TRPM8: variants seen among roughly 807,000 people sequenced by gnomAD.
TRPM8 encodes the protein TRPM8 cationic channel.
In TRPM8, 110 loss-of-function variants were observed where a neutral mutation model predicts 133.7. That is an observed-to-expected ratio of 0.82 (90% CI 0.70 to 0.96). TRPM8 has a LOEUF of 0.96. Among genes scored for constraint, TRPM8 ranks in the 40% least tolerant of loss-of-function variants. TRPM8 has a pLI of 0.00. For missense variants in TRPM8, 1,291 were observed against 1,379.5 expected (o/e 0.94, Z 1.02); for synonymous variants, 535 against 532.3 (o/e 1.01, Z -0.07).
chr2:233,982,251 A>G (rs571911664), intron 19 of TRPM8, among the ~76,000 whole-genome samples: 59 of 152,356 alleles, frequency 3.9e-4, no homozygotes, highest in African/African-American at 1.4e-3. Flanking sequence ...ACCTGGGGAC[A>G]GTTGAGTCCA....
At chr2:233,966,335 A>T (rs1691574331) in intron 14 of TRPM8, among the ~76,000 whole-genome samples, 1 of 152,160 alleles carries the variant, frequency 6.6e-6, no homozygotes, top group African/African-American at 2.4e-5. Flanking sequence ...AAGCCCATCA[A>T]AGAGAGGGGC....
chr2:233,969,930 C>A, intron 16 of TRPM8, 123 bp downstream of exon 16: 1 of 781,738 alleles, frequency 1.3e-6, no homozygotes, highest in South Asian at 1.7e-5. Flanking sequence ...TACATTGTTG[C>A]CTATGAATTT....
chr2:233,954,684 G>A (rs1216143761), intron 10 of TRPM8, among the ~76,000 whole-genome samples: 2 of 152,050 alleles, frequency 1.3e-5, no homozygotes, highest in East Asian at 3.8e-4. Context: ...TGGTTATAAA[G>A]GTATTTATTA....
At position 234,017,509 on chromosome 2, in the gene TRPM8, T is replaced by A. The variant is rs1220447847; in HGVS notation, c.*253T>A. On this transcript the variant is annotated 3_prime_UTR_variant, in exon 26 of 26. Transcript: ENST00000324695. ...CTCCAGAATGGTGCCTGTTTCTCTC[T>A]GTGTCTCAATGCCTGGGACTGGAGG... 2.6e-6 allele frequency: 1 copy of A among 382,190 alleles called. No individual in the cohort carries two copies. Among genetic ancestry groups the A allele is most frequent in the Admixed American group, 3.3e-5 (1 of 30,642 alleles). 23.7% of individuals were successfully genotyped at this position (382,190 alleles called of 1,614,324 possible). A position where few individuals can be genotyped will look rare whatever the true frequency, so the allele number is the denominator to read the frequency against.
At chr2:233,979,372 C>G (rs538274285) in intron 17 of TRPM8, among the ~76,000 whole-genome samples, 1 of 152,222 alleles carries the variant, frequency 6.6e-6, no homozygotes, top group Non-Finnish European at 1.5e-5. Context: ...TTCTGTGTGC[C>G]GGGAGCCTGG....
intron 9 of TRPM8, among the ~76,000 whole-genome samples, chr2:233,951,282 C>T (rs1691167255): frequency 6.6e-6 from 1 of 152,134 alleles, no homozygotes; most frequent in Non-Finnish European, 1.5e-5. Context: ...AGGCCTTTTC[C>T]AACGTATACA....
chr2:233,964,873 G>C (rs1691528064), intron 14 of TRPM8, 116 bp downstream of exon 14: 2 of 1,123,338 alleles, frequency 1.8e-6, no homozygotes, highest in Middle Eastern at 2.5e-4. Flanking sequence ...AAGCTCCCCA[G>C]TCTGATTGAG....
At chr2:233,917,744 G>A (rs550245700) in intron 1 of TRPM8, among the ~76,000 whole-genome samples, 1 of 152,248 alleles carries the variant, frequency 6.6e-6, no homozygotes, top group South Asian at 2.1e-4. Flanking sequence ...CCCTAAATGA[G>A]CTTTAATGAA....
chr2:233,950,869 C>G (rs1691157234), intron 9 of TRPM8, among the ~76,000 whole-genome samples: 1 of 152,186 alleles, frequency 6.6e-6, no homozygotes, highest in South Asian at 2.1e-4. Context: ...TTTTGATTCT[C>G]TAAACATTCA....
intron 11 of TRPM8, among the ~76,000 whole-genome samples, chr2:233,955,825 C>T (rs1691280784): frequency 6.6e-6 from 1 of 152,174 alleles, no homozygotes; most frequent in Non-Finnish European, 1.5e-5. Flanking sequence ...AGTGAAACTT[C>T]ATCTGTATTT....
chr2:233,921,852 T>C (rs556202682), intron 1 of TRPM8, among the ~76,000 whole-genome samples: 27 of 152,112 alleles, frequency 1.8e-4, no homozygotes, highest in Middle Eastern at 3.4e-3. Context: ...TTTGTATTTT[T>C]AGTAGAGATG....
In TRPM8 at chr2:233,966,683, G is replaced by T; in HGVS notation, c.1953G>T (p.Trp651Cys). The T allele has an allele frequency of 6.2e-7, 1 of 1,613,882 alleles. No individual in the cohort carries two copies. The highest frequency in any genetic ancestry group is 8.5e-7 in the Non-Finnish European group (1 of 1,179,882). Residue 651 changes from tryptophan to cysteine, a missense_variant, in exon 15 of 26, where the codon TGG becomes TGT. This residue lies in a region of TRPM8 where 963 missense variants were observed against 968.9 expected (regional missense o/e 0.99). Coordinates refer to ENST00000324695, the MANE Select transcript of TRPM8 (RefSeq NM_024080.5). ...TGCTGGTCTATTCCTGTGAAGCTTG[G>T]GGTGGAAGCAACTGTCTGGAGCTGG... ...EQLLVYSCEAWGGSNCLELAV... is the reference protein window; with the variant it reads ...EQLLVYSCEACGGSNCLELAV...
intron 3 of TRPM8, among the ~76,000 whole-genome samples, chr2:233,934,470 A>C (rs1375918042): frequency 6.6e-6 from 1 of 152,228 alleles, no homozygotes; most frequent in Non-Finnish European, 1.5e-5. Flanking sequence ...CAGTTATATG[A>C]ACAGGCTCAT....
intron 1 of TRPM8, among the ~76,000 whole-genome samples, chr2:233,917,785 A>T (rs1691331554): frequency 6.6e-6 from 1 of 151,866 alleles, no homozygotes; most frequent in Admixed American, 6.6e-5. Context: ...TCTGCAACTG[A>T]CTATCTGAAG....
At chr2:233,959,372 G>A (rs1368006792) in intron 11 of TRPM8, among the ~76,000 whole-genome samples, 2 of 134,426 alleles carry the variant, frequency 1.5e-5, no homozygotes, top group Non-Finnish European at 3.0e-5. Context: ...TGTCACCCAA[G>A]CTGGAGTGCA....
chr2:233,990,381 A>G (rs545228926), intron 21 of TRPM8, among the ~76,000 whole-genome samples: 8 of 152,338 alleles, frequency 5.3e-5, no homozygotes, highest in African/African-American at 1.7e-4. Context: ...CGGGCCACTC[A>G]AAGGCAAGAC....
At chr2:233,958,976 T>C (rs1691362222) in intron 11 of TRPM8, among the ~76,000 whole-genome samples, 1 of 149,818 alleles carries the variant, frequency 6.7e-6, no homozygotes, top group Non-Finnish European at 1.5e-5. Flanking sequence ...TGGCTCCCAC[T>C]GATGGTTCCC....
intron 8 of TRPM8, among the ~76,000 whole-genome samples, chr2:233,948,973 G>A (rs1367893099): frequency 1.3e-5 from 2 of 152,214 alleles, no homozygotes; most frequent in African/African-American, 4.8e-5. Context: ...GCTGGAGGTT[G>A]CAGTGAGCCG....
At chr2:233,934,339 A>G (rs1019692325) in intron 3 of TRPM8, among the ~76,000 whole-genome samples, 1 of 152,186 alleles carries the variant, frequency 6.6e-6, no homozygotes. Context: ...GCCTAGACCT[A>G]CAGAGAGACG....
Sources: gnomAD v4.1 joint callset for allele counts (sites outside exome capture counted in the v4.1 genomes callset) on GRCh38, gnomAD v4.1.1 for gene constraint, gnomAD v4.1.1 regional missense constraint, MANE v1.5 for transcripts, NCBI Gene and HGNC (gene_info 2026-07-23, HGNC 2026-07-21) for gene names.